Variants in KIRREL3 observed in about 807,000 individuals in gnomAD.
KIRREL3 encodes kin of IRRE-like protein 3.
KIRREL3 carries 36 observed loss-of-function variants against 89.7 expected under a neutral mutation model. That is an observed-to-expected ratio of 0.40 (90% CI 0.31 to 0.53). The LOEUF is 0.53. Ranked by LOEUF, KIRREL3 falls within the 20% of genes least tolerant of loss-of-function variation. KIRREL3 has a pLI of 0.49. For synonymous variants in KIRREL3, 445 were observed against 441.4 expected (o/e 1.01, Z -0.10); for missense variants, 864 against 1,056.6 (o/e 0.82, Z 2.53).
chr11:126,884,078 C>T (rs1945609872), intron 1 of KIRREL3, among the ~76,000 whole-genome samples: 1 of 152,182 alleles, frequency 6.6e-6, no homozygotes, highest in Admixed American at 6.5e-5. Context: ...ATTGGGCCTA[C>T]ATGGATAAGT....
chr11:126,820,692 G>A (rs565660324), intron 1 of KIRREL3, among the ~76,000 whole-genome samples: 13 of 152,060 alleles, frequency 8.5e-5, no homozygotes, highest in Non-Finnish European at 1.6e-4. Flanking sequence ...GATAGGACAA[G>A]GCACAAGCAG....
In KIRREL3 at chr11:126,908,892, T is replaced by C. The variant is rs549456958; in HGVS notation, c.55+91563A>G. 1.6e-4 allele frequency among the ~76,000 whole-genome samples: 25 copies of C among 152,290 alleles called. No individual in the cohort carries two copies. The highest frequency in any genetic ancestry group is 3.3e-4 in the Admixed American group (5 of 15,302). On this transcript the variant is annotated intron_variant, in intron 1 of 16. Coordinates refer to ENST00000525144, the MANE Select transcript of KIRREL3 (RefSeq NM_032531.4). This position sits in a 1 kb window ranked among gnomAD's most constrained non-coding sequence, Gnocchi z 4.2. Reference sequence around the variant, plus strand: ...CGCTCGAGTCTCTGATATAAAGTAGTGTAGTATTTGCATATAACCTAAGCA... The same window carrying C: ...CGCTCGAGTCTCTGATATAAAGTAGCGTAGTATTTGCATATAACCTAAGCA...
intron 1 of KIRREL3, among the ~76,000 whole-genome samples, chr11:126,939,664 A>T (rs551944996): frequency 6.1e-4 from 93 of 152,266 alleles, no homozygotes; most frequent in African/African-American, 2.1e-3. Flanking sequence ...GTGAGGAGCA[A>T]GCATCTCCCC....
chr11:126,605,698 G>A lies in KIRREL3; in HGVS notation c.56-42786C>T, dbSNP rs1438720593. Among the ~76,000 whole-genome samples, 1 of 152,220 alleles carries A rather than the reference G, an allele frequency of 6.6e-6. No individual in the cohort carries two copies. Among genetic ancestry groups the A allele is most frequent in the African/African-American group, 2.4e-5 (1 of 41,454 alleles). ...CTTGGCCACACATATCCGTCATGCTGGGCCTGGAGCTGTGCGTCCCGCCTG... is the reference window on the plus strand; with the variant it reads ...CTTGGCCACACATATCCGTCATGCTAGGCCTGGAGCTGTGCGTCCCGCCTG... On this transcript the variant is annotated intron_variant, in intron 1 of 16. Coordinates refer to ENST00000525144, the MANE Select transcript of KIRREL3 (RefSeq NM_032531.4). The surrounding 1 kb of genome is among the most constrained non-coding windows in gnomAD (Gnocchi z 5.7).
intron 1 of KIRREL3, among the ~76,000 whole-genome samples, chr11:126,735,245 A>C (rs964190217): frequency 1.3e-5 from 2 of 152,254 alleles, no homozygotes; most frequent in African/African-American, 4.8e-5. Context: ...AGAAACTGGC[A>C]GTCGGTAGTA....
chr11:126,636,783 G>C lies in KIRREL3; in HGVS notation c.56-73871C>G, dbSNP rs544305786. Reference sequence around the variant, plus strand: ...GGGGATGCAGCAATAATGCCAACTAGGAGTCCGGATGATCTGGACTTGAAT... The same window carrying C: ...GGGGATGCAGCAATAATGCCAACTACGAGTCCGGATGATCTGGACTTGAAT... On this transcript the variant is annotated intron_variant, in intron 1 of 16. Coordinates refer to ENST00000525144, the MANE Select transcript of KIRREL3 (RefSeq NM_032531.4). The surrounding 1 kb of genome is among the most constrained non-coding windows in gnomAD (Gnocchi z 4.4). 1.3e-5 allele frequency among the ~76,000 whole-genome samples: 2 copies of C among 152,282 alleles called. No individual in the cohort carries two copies. Among genetic ancestry groups the C allele is most frequent in the Non-Finnish European group, 2.9e-5 (2 of 68,034 alleles).
At chr11:126,966,922 A>G (rs1396916186) in intron 1 of KIRREL3, among the ~76,000 whole-genome samples, 1 of 152,212 alleles carries the variant, frequency 6.6e-6, no homozygotes, top group East Asian at 1.9e-4. Flanking sequence ...AAATCTGTAA[A>G]TTAAATAAGA....
At position 126,586,408 on chromosome 11, in the gene KIRREL3, G is replaced by C. The variant is rs374166064; in HGVS notation, c.56-23496C>G. On this transcript the variant is annotated intron_variant, in intron 1 of 16. Transcript: ENST00000525144. ...GCGGTCTTGCTGAGACCCTCTCACT[G>C]AACGCGAGCTGGGGGAAGGGTCTCG... 5.3e-5 allele frequency among the ~76,000 whole-genome samples: 8 copies of C among 152,198 alleles called. No individual in the cohort carries two copies. The South Asian group carries it at 1.0e-3, about 20-fold the overall frequency.
intron 1 of KIRREL3, among the ~76,000 whole-genome samples, chr11:126,899,712 T>A (rs911657053): frequency 6.6e-6 from 1 of 152,142 alleles, no homozygotes; most frequent in East Asian, 1.9e-4. Context: ...AGCAGGAAGG[T>A]TGATTAAGTC....
At position 126,589,070 on chromosome 11, in the gene KIRREL3, C is replaced by T. The variant is rs11220547; in HGVS notation, c.56-26158G>A. On this transcript the variant is annotated intron_variant, in intron 1 of 16. Transcript: ENST00000525144. ...CCGCACACTAGCTGCCTCTCCCGGT[C>T]CCTTCCAGCAACCTGAGGAAATGCC... Among the ~76,000 whole-genome samples, 3 of 152,142 alleles carry T rather than the reference C, an allele frequency of 2.0e-5. No homozygotes were observed. The South Asian group carries it at 6.2e-4, about 31-fold the overall frequency.
chr11:126,781,533 A>G (rs77823905), intron 1 of KIRREL3, among the ~76,000 whole-genome samples: 116 of 152,308 alleles, frequency 7.6e-4, no homozygotes, highest in Admixed American at 2.5e-3. Flanking sequence ...TAAGCATTTT[A>G]TCTGTGTCAT....
At chr11:126,849,056 C>T (rs1364634395) in intron 1 of KIRREL3, among the ~76,000 whole-genome samples, 1 of 152,168 alleles carries the variant, frequency 6.6e-6, no homozygotes, top group Non-Finnish European at 1.5e-5. Context: ...GCTGCATTCC[C>T]AGTAAGTGAA....
At position 126,521,483 on chromosome 11, in the gene KIRREL3, G is replaced by T; in HGVS notation, c.284-19C>A. The T allele has an allele frequency of 6.4e-7, 1 of 1,573,560 alleles. No individual in the cohort carries two copies. The highest frequency in any genetic ancestry group is 1.2e-5 in the South Asian group (1 of 85,608). ...GGGTAACCTGTGGAGACAACAGGCA[G>T]GTCAGGGAGCTGGGGTGGGGTGGAG... On this transcript the variant is annotated intron_variant, in intron 3 of 16. Coordinates refer to ENST00000525144, the MANE Select transcript of KIRREL3 (RefSeq NM_032531.4). This position sits in a 1 kb window ranked among gnomAD's most constrained non-coding sequence, Gnocchi z 4.1.
Position 126,645,309 on chromosome 11 carries a change from T to G in KIRREL3, c.56-82397A>C, listed in dbSNP as rs1944623931. ...AGTTTTTATGAAGACCTCCAGCGTC[T>G]TCATGTGTGGTCCTCAAATCCTGAA... On this transcript the variant is annotated intron_variant, in intron 1 of 16. Transcript: ENST00000525144. This position sits in a 1 kb window ranked among gnomAD's most constrained non-coding sequence, Gnocchi z 4.9. 6.6e-6 allele frequency among the ~76,000 whole-genome samples: 1 copy of G among 152,136 alleles called. No homozygotes were observed. Among genetic ancestry groups the G allele is most frequent in the Non-Finnish European group, 1.5e-5 (1 of 68,024 alleles).
intron 1 of KIRREL3, among the ~76,000 whole-genome samples, chr11:126,884,713 TTC>T (rs1945635885): frequency 6.6e-6 from 1 of 151,840 alleles, no homozygotes; most frequent in Non-Finnish European, 1.5e-5. Context: ...TTGAGGCATC[TTC>T]TAGAGAAATG....
In KIRREL3 at chr11:126,501,917, C is replaced by T. The variant is rs377305689; in HGVS notation, c.433+19398G>A. ...ACCCAGGTGCCAAGGTAAGCACGGA[C>T]GAGTGGGGACTGGTGGGCCACATCC... On this transcript the variant is annotated intron_variant, in intron 4 of 16. Coordinates refer to ENST00000525144, the MANE Select transcript of KIRREL3 (RefSeq NM_032531.4). This position sits in a 1 kb window ranked among gnomAD's most constrained non-coding sequence, Gnocchi z 5.8. 3.2e-4 allele frequency among the ~76,000 whole-genome samples: 48 copies of T among 152,254 alleles called. No individual in the cohort carries two copies. Among genetic ancestry groups the T allele is most frequent in the East Asian group, 1.2e-3 (6 of 5,174 alleles).
At position 126,805,001 on chromosome 11, in the gene KIRREL3, T is replaced by C. The variant is rs1018156915; in HGVS notation, c.55+195454A>G. Among the ~76,000 whole-genome samples, 6 of 152,114 alleles carry C rather than the reference T, an allele frequency of 3.9e-5. No homozygotes were observed. The highest frequency in any genetic ancestry group is 1.3e-4 in the Admixed American group (2 of 15,276). ...GTTGTGGGAAAGGGTTATGAGGAGATTAAGATTCAGAAAAGTTGGCTTATC... is the reference window on the plus strand; with the variant it reads ...GTTGTGGGAAAGGGTTATGAGGAGACTAAGATTCAGAAAAGTTGGCTTATC... On this transcript the variant is annotated intron_variant, in intron 1 of 16. Transcript: ENST00000525144. The surrounding 1 kb of genome is among the most constrained non-coding windows in gnomAD (Gnocchi z 4.3).
chr11:126,514,620 T>C (rs1958342595), intron 4 of KIRREL3, among the ~76,000 whole-genome samples: 2 of 152,248 alleles, frequency 1.3e-5, no homozygotes, highest in South Asian at 2.1e-4. Context: ...TTTACATATA[T>C]TATTTCATTA....
At position 126,969,323 on chromosome 11, in the gene KIRREL3, G is replaced by A. The variant is rs986915269; in HGVS notation, c.55+31132C>T. Among the ~76,000 whole-genome samples the A allele has an allele frequency of 6.6e-6, 1 of 152,202 alleles. No individual in the cohort carries two copies. Among genetic ancestry groups the A allele is most frequent in the African/African-American group, 2.4e-5 (1 of 41,448 alleles). ...TCTTTGGGAATGCTGGCCTTCCAAG[G>A]AGAGAGTTGTCCACTGGGGAAAACG... is the stretch of plus-strand genomic sequence containing the variant. On this transcript the variant is annotated intron_variant, in intron 1 of 16. Coordinates refer to ENST00000525144, the MANE Select transcript of KIRREL3 (RefSeq NM_032531.4). This position sits in a 1 kb window ranked among gnomAD's most constrained non-coding sequence, Gnocchi z 4.9.
Sources: gnomAD v4.1 joint callset for allele counts (sites outside exome capture counted in the v4.1 genomes callset) on GRCh38, gnomAD v4.1.1 for gene constraint, Gnocchi (gnomAD v3.1) non-coding constraint, MANE v1.5 for transcripts, NCBI Gene and HGNC (gene_info 2026-07-23, HGNC 2026-07-21) for gene names.